MASP2: variants seen among roughly 807,000 people sequenced by gnomAD.
MASP2 encodes the protein MBL associated serine protease 2.
In MASP2, 49 loss-of-function variants were observed where a neutral mutation model predicts 57.1. The ratio of observed to expected loss-of-function variants is 0.86; its 90% CI spans 0.68 to 1.09. MASP2 has a LOEUF of 1.09. Ranked by LOEUF, MASP2 falls within the 50% of genes least tolerant of loss-of-function variation. The pLI is 0.00. For synonymous variants in MASP2, 379 were observed against 340.8 expected (o/e 1.11, Z -1.24); for missense variants, 900 against 874.8 (o/e 1.03, Z -0.36).
chr1:11,034,852 C>G lies in MASP2; in HGVS notation c.1063G>C (p.Asp355His). 1 of 1,612,946 alleles carries G rather than the reference C, an allele frequency of 6.2e-7. No individual in the cohort carries two copies. The highest frequency in any genetic ancestry group is 1.1e-5 in the South Asian group (1 of 90,834). ...TAVCQKDGSW[D>H]RPMPACSIVD... is the part of the protein sequence containing the mutation. ...CTGCTGCACGCGGGCATTGGCCGGT[C>G]CCAAGATCCATCTTTCTGACAAACT... is the stretch of plus-strand genomic sequence containing the variant. The change falls in exon 8 of 11, where the codon GAC (aspartate) becomes CAC (histidine). Residue 355 changes from aspartate (D) to histidine (H), a missense_variant. Transcript: ENST00000400897.
In MASP2 at chr1:11,034,837, C is replaced by G. The variant is rs200844905; in HGVS notation, c.1078G>C (p.Ala360Pro). 3.8e-5 allele frequency: 61 copies of G among 1,611,396 alleles called. No homozygotes were observed. Among genetic ancestry groups the G allele is most frequent in the Non-Finnish European group, 3.6e-5 (42 of 1,178,896 alleles). Reference sequence around the variant, plus strand: ...CACCACACGACCGTACTGCTGCACGCGGGCATTGGCCGGTCCCAAGATCCA... The same window carrying G: ...CACCACACGACCGTACTGCTGCACGGGGGCATTGGCCGGTCCCAAGATCCA... ...KDGSWDRPMP[A>P]CSIVDCGPPD... The change falls in exon 8 of 11, where the codon GCG (alanine) becomes CCG (proline). Residue 360 changes from alanine to proline, a missense_variant. Coordinates refer to ENST00000400897, the MANE Select transcript of MASP2 (RefSeq NM_006610.4).
At chr1:11,046,307 C>A in intron 3 of MASP2, 1 of 563,260 alleles carries the variant, frequency 1.8e-6, no homozygotes, top group Non-Finnish European at 3.2e-6. Flanking sequence ...GCTGCTGCGC[C>A]CGGCCAGTCC....
chr1:11,035,371 CA>C (rs1643879432), intron 7 of MASP2, among the ~76,000 whole-genome samples: 2 of 151,314 alleles, frequency 1.3e-5, no homozygotes, highest in African/African-American at 4.9e-5. Flanking sequence ...TAAAAAAATA[CA>C]AAAAATTAGC....
intron 7 of MASP2, 115 bp from the exon 8 acceptor site, chr1:11,035,021 G>T: frequency 1.4e-6 from 1 of 691,390 alleles, no homozygotes; most frequent in Non-Finnish European, 2.4e-6. Flanking sequence ...CTCCTGAAGG[G>T]GGTGGCAGCA....
chr1:11,036,323 T>C (rs1363902059), intron 7 of MASP2, among the ~76,000 whole-genome samples: 3 of 149,320 alleles, frequency 2.0e-5, no homozygotes, highest in Non-Finnish European at 4.4e-5. Context: ...GCTAACAAGG[T>C]GAAACCCCGT....
chr1:11,046,550 G>T lies in MASP2; in HGVS notation c.412+6C>A. On this transcript the variant is annotated splice_donor_region_variant and intron_variant, in intron 3 of 10. Transcript: ENST00000400897. ...CTGAGATGTTGCAGGACCCCTCTTG[G>T]CTCACCCTCGGCTGCATAGAAGGCC... 6.2e-7 allele frequency: 1 copy of T among 1,613,790 alleles called. No homozygotes were observed. The highest frequency in any genetic ancestry group is 2.2e-5 in the East Asian group (1 of 44,890).
chr1:11,032,503 G>A (rs1363443206), intron 8 of MASP2, among the ~76,000 whole-genome samples: 1 of 151,858 alleles, frequency 6.6e-6, no homozygotes, highest in Admixed American at 6.6e-5. Flanking sequence ...CCCGGCTACT[G>A]GGGAAGCTGA....
At chr1:11,044,883 G>T in intron 4 of MASP2, 1 of 1,583,922 alleles carries the variant, frequency 6.3e-7, no homozygotes, top group Non-Finnish European at 8.6e-7. Context: ...CGGAGCTGAG[G>T]CCAGCAGGCT....
At chr1:11,030,955 A>G (rs1643834331) in intron 8 of MASP2, 73 bp from the exon 9 acceptor site, 2 of 1,515,236 alleles carry the variant, frequency 1.3e-6, no homozygotes, top group South Asian at 2.6e-5. Flanking sequence ...CTGGAGAAGC[A>G]CCTTTGGGAG....
Position 11,042,951 on chromosome 1 carries a change from G to T in MASP2, c.813C>A (p.Ser271Arg). 6.2e-7 allele frequency: 1 copy of T among 1,613,978 alleles called. No individual in the cohort carries two copies. Among genetic ancestry groups the T allele is most frequent in the Non-Finnish European group, 8.5e-7 (1 of 1,179,886 alleles). ...TGACAAAGGTGATGGTCACCGTGTTGCTTTTTGTTTCAATCCTGTGGGGCA... is the reference window on the plus strand; with the variant it reads ...TGACAAAGGTGATGGTCACCGTGTTTCTTTTTGTTTCAATCCTGTGGGGCA... ...KTLPHRIETK[S>R]NTVTITFVTD... Residue 271 changes from serine (S) to arginine (R), a missense_variant, in exon 6 of 11, where the codon AGC becomes AGA. Ser to Arg is a moderately radical substitution (Grantham distance 110). Transcript: ENST00000400897.
chr1:11,046,278 G>A, intron 3 of MASP2: 3 of 498,318 alleles, frequency 6.0e-6, no homozygotes, highest in African/African-American at 5.8e-5. Flanking sequence ...CTCCCAAAGT[G>A]CTGGAATTAC....
chr1:11,043,131 C>A, intron 5 of MASP2, 109 bp from the exon 6 acceptor site: 1 of 1,271,540 alleles, frequency 7.9e-7, no homozygotes, highest in African/African-American at 1.5e-5. Flanking sequence ...TGAGGCCAAC[C>A]CAGGCCATGG....
chr1:11,036,800 A>T (rs1015690131), intron 7 of MASP2, among the ~76,000 whole-genome samples: 2 of 152,172 alleles, frequency 1.3e-5, no homozygotes, highest in East Asian at 1.9e-4. Context: ...AGCATTTTTT[A>T]AAATTATACT....
intron 6 of MASP2, among the ~76,000 whole-genome samples, chr1:11,039,336 GGATGGATGGA>G (rs1412058865): frequency 9.9e-4 from 11 of 11,150 alleles, no homozygotes; most frequent in Admixed American, 3.3e-3. Flanking sequence ...GATGGTGGAT[GGATGGATGGA>G]TGGATGGATG....
chr1:11,027,798 G>A, intron 10 of MASP2, 150 bp from the exon 11 acceptor site: 1 of 733,302 alleles, frequency 1.4e-6, no homozygotes, highest in East Asian at 2.7e-5. Flanking sequence ...GGCAAGTGAG[G>A]CTATTTTAAA....
intron 4 of MASP2, chr1:11,044,761 TC>T: frequency 7.6e-7 from 1 of 1,313,598 alleles, no homozygotes; most frequent in Non-Finnish European, 1.0e-6. Context: ...CCCCGCCGCC[TC>T]CCGACCCTCC....
At chr1:11,032,483 C>T (rs1570740156) in intron 8 of MASP2, among the ~76,000 whole-genome samples, 1 of 151,528 alleles carries the variant, frequency 6.6e-6, no homozygotes, top group Non-Finnish European at 1.5e-5. Context: ...TGGTGGCGGG[C>T]GCCTGTAATC....
intron 7 of MASP2, among the ~76,000 whole-genome samples, chr1:11,036,408 G>A (rs1475358884): frequency 2.7e-5 from 4 of 148,910 alleles, no homozygotes; most frequent in Admixed American, 6.7e-5. Flanking sequence ...GGAGGCTGAG[G>A]CAGGAGAATG....
chr1:11,031,245 C>T (rs114957056), intron 8 of MASP2, among the ~76,000 whole-genome samples: 1,734 of 151,802 alleles, frequency 0.011, 37 homozygotes, highest in African/African-American at 0.039. Flanking sequence ...GATCTGCGGC[C>T]GGGCGCGATG....
Sources: gnomAD v4.1 joint callset for allele counts (sites outside exome capture counted in the v4.1 genomes callset) on GRCh38, gnomAD v4.1.1 for gene constraint, MANE v1.5 for transcripts, NCBI Gene and HGNC (gene_info 2026-07-23, HGNC 2026-07-21) for gene names.